Variants in PARL observed in about 807,000 individuals in gnomAD.
PARL encodes presenilin associated rhomboid like, also known as presenilin-associated rhomboid-like protein, mitochondrial.
PARL carries 44 observed loss-of-function variants against 51.6 expected under a neutral mutation model. The observed-to-expected ratio is 0.85, with a 90% CI of 0.67 to 1.10. The LOEUF (loss-of-function observed/expected upper bound fraction) is 1.10. Among genes scored for constraint, PARL ranks in the 50% least tolerant of loss-of-function variants. The pLI, the probability that PARL is intolerant of heterozygous loss-of-function variation, is 0.00. For synonymous variants in PARL, 172 were observed against 164.0 expected, an observed-to-expected ratio of 1.05 and a Z score of -0.37; for missense variants, 441 against 469.5, an observed-to-expected ratio of 0.94 and a Z score of 0.56.
At chr3:183,838,803 G>A (rs916812259) in intron 7 of PARL, among the ~76,000 whole-genome samples, 13 of 152,206 alleles carry the variant, frequency 8.5e-5, no homozygotes, top group African/African-American at 3.1e-4. Flanking sequence ...TATAAGATGA[G>A]GACAACAGCT....
chr3:183,867,551 T>A (rs1379376584), intron 2 of PARL, among the ~76,000 whole-genome samples: 1 of 151,928 alleles, frequency 6.6e-6, no homozygotes, highest in Non-Finnish European at 1.5e-5. Context: ...ATACAAAAAA[T>A]TAGCCAGGCG....
At chr3:183,834,366 A>T (rs770513985) in intron 7 of PARL, among the ~76,000 whole-genome samples, 1 of 152,212 alleles carries the variant, frequency 6.6e-6, no homozygotes, top group Non-Finnish European at 1.5e-5. Flanking sequence ...GTGAGCTATG[A>T]TTGCACCACT....
At chr3:183,862,564 G>A (rs1307432623) in intron 4 of PARL, 189 bp downstream of exon 4, 10 of 575,712 alleles carry the variant, frequency 1.7e-5, no homozygotes, top group African/African-American at 7.5e-5. Context: ...AGAAAGTAAC[G>A]GACCCAGAGC....
At chr3:183,830,466 C>G (rs1727807284) in intron 9 of PARL, among the ~76,000 whole-genome samples, 1 of 152,056 alleles carries the variant, frequency 6.6e-6, no homozygotes, top group Non-Finnish European at 1.5e-5. Flanking sequence ...CTGGGAAGGG[C>G]CTGCCTTGGA....
At chr3:183,860,624 T>C (rs1417923697) in intron 4 of PARL, among the ~76,000 whole-genome samples, 1 of 152,204 alleles carries the variant, frequency 6.6e-6, no homozygotes, top group Non-Finnish European at 1.5e-5. Flanking sequence ...TAATTACCTC[T>C]AGCTTCTTTG....
intron 4 of PARL, among the ~76,000 whole-genome samples, chr3:183,854,953 C>A (rs1730977433): frequency 6.6e-6 from 1 of 152,080 alleles, no homozygotes; most frequent in Non-Finnish European, 1.5e-5. Flanking sequence ...ACTGGAATAT[C>A]ATTTGGCCAT....
chr3:183,860,855 G>A (rs1032314055), intron 4 of PARL, among the ~76,000 whole-genome samples: 9 of 137,806 alleles, frequency 6.5e-5, no homozygotes, highest in East Asian at 6.3e-4. Flanking sequence ...TCGCTCTGTC[G>A]TCCAGGCTGG....
chr3:183,864,921 TCCG>T (rs1560415854), intron 3 of PARL, among the ~76,000 whole-genome samples: 27 of 137,790 alleles, frequency 2.0e-4, no homozygotes, highest in East Asian at 2.1e-4. Flanking sequence ...TTTTTTTTTT[TCCG>T]TATTTCATCT....
chr3:183,870,194 C>T (rs903486216), intron 1 of PARL, among the ~76,000 whole-genome samples: 1 of 148,302 alleles, frequency 6.7e-6, no homozygotes, highest in Non-Finnish European at 1.5e-5. Flanking sequence ...AGAAGAATCG[C>T]GTGAACCTGG....
rs887849002 is a variant in PARL at position 183,829,437 on chromosome 3, C to A, written c.*161G>T. 1.3e-5 allele frequency: 20 copies of A among 1,583,382 alleles called. No homozygotes were observed. The highest frequency in any genetic ancestry group is 3.5e-5 in the Admixed American group (2 of 56,818). ...TATTTCACAACTTTATCATCATTCA[C>A]ATTCTAAAAAGACACGGACTGGGGG... On this transcript the variant is annotated 3_prime_UTR_variant, in exon 10 of 10. Coordinates refer to ENST00000317096, the MANE Select transcript of PARL (RefSeq NM_018622.7).
chr3:183,826,556 TGCAGCACATCCCTG>T, downstream of PARL: 1 of 974,022 alleles, frequency 1.0e-6, no homozygotes, highest in Non-Finnish European at 1.2e-6. Context: ...GGGAGGGGAC[TGCAGCACATCCCTG>T]GCCAGTCAGA....
At chr3:183,873,003 GTTTA>G (rs1733388508) in intron 1 of PARL, among the ~76,000 whole-genome samples, 1 of 152,080 alleles carries the variant, frequency 6.6e-6, no homozygotes. Flanking sequence ...ACAACCATCA[GTTTA>G]TTTACTGCCA....
intron 7 of PARL, among the ~76,000 whole-genome samples, chr3:183,836,629 C>A (rs1728628923): frequency 6.6e-6 from 1 of 152,150 alleles, no homozygotes; most frequent in African/African-American, 2.4e-5. Context: ...ATCCAACAGA[C>A]CTAAGAGGTG....
chr3:183,854,221 G>A lies in PARL; in HGVS notation c.511+8532C>T, dbSNP rs995447660. On this transcript the variant is annotated intron_variant, in intron 4 of 9. Coordinates refer to ENST00000317096, the MANE Select transcript of PARL (RefSeq NM_018622.7). ...CACGCCACTGCACTCCAGCCCACGC[G>A]ACAGAGTGAGATTCCATCTCAAAAA... Among the ~76,000 whole-genome samples the A allele has an allele frequency of 3.3e-5, 5 of 152,266 alleles. No homozygotes were observed. The East Asian group carries it at 5.8e-4, about 18-fold the overall frequency.
At chr3:183,836,992 C>T (rs1364815586) in intron 7 of PARL, among the ~76,000 whole-genome samples, 5 of 152,184 alleles carry the variant, frequency 3.3e-5, no homozygotes, top group South Asian at 2.1e-4. Flanking sequence ...CCACCCACCT[C>T]GGCCTCCCAA....
At chr3:183,875,044 C>T (rs1733633935) in intron 1 of PARL, among the ~76,000 whole-genome samples, 2 of 152,184 alleles carry the variant, frequency 1.3e-5, no homozygotes, top group South Asian at 2.1e-4. Flanking sequence ...TGCACTCCAA[C>T]CTGGATGACA....
intron 4 of PARL, among the ~76,000 whole-genome samples, chr3:183,859,830 C>T (rs1704242419): frequency 6.6e-6 from 1 of 152,156 alleles, no homozygotes; most frequent in African/African-American, 2.4e-5. Flanking sequence ...TCTGAACTTA[C>T]CGTATCCAAA....
chr3:183,847,934 C>T (rs1363016855), intron 4 of PARL, among the ~76,000 whole-genome samples: 1 of 152,208 alleles, frequency 6.6e-6, no homozygotes, highest in African/African-American at 2.4e-5. Flanking sequence ...AGGGATGTCA[C>T]CTGCTTCTTC....
intron 9 of PARL, among the ~76,000 whole-genome samples, chr3:183,832,662 C>T (rs1468663002): frequency 6.6e-6 from 1 of 152,186 alleles, no homozygotes; most frequent in East Asian, 1.9e-4. Flanking sequence ...TGACGGGTCT[C>T]CCACGATCAG....
Sources: allele counts gnomAD v4.1 joint callset (sites outside exome capture counted in the v4.1 genomes callset), GRCh38; gene constraint gnomAD v4.1.1; transcripts MANE v1.5; gene names NCBI Gene and HGNC (gene_info 2026-07-23, HGNC 2026-07-21).